PIAS4: variants seen among roughly 807,000 people sequenced by gnomAD.
The protein encoded by PIAS4 is E3 SUMO-protein ligase PIAS4.
A neutral mutation model predicts 58.0 loss-of-function variants in PIAS4; 7 were observed. The ratio of observed to expected loss-of-function variants is 0.12; its 90% CI spans 0.07 to 0.23. PIAS4 has a LOEUF of 0.23. Among genes scored for constraint, PIAS4 ranks in the 10% least tolerant of loss-of-function variants. The pLI is 1.00. For synonymous variants in PIAS4, 364 were observed against 312.4 expected, an observed-to-expected ratio of 1.17 and a Z score of -1.74; for missense variants, 550 against 709.5, an observed-to-expected ratio of 0.78 and a Z score of 2.55.
At chr19:4,025,521 C>T (rs1455234744) in intron 3 of PIAS4, among the ~76,000 whole-genome samples, 1 of 152,172 alleles carries the variant, frequency 6.6e-6, no homozygotes, top group East Asian at 1.9e-4. Flanking sequence ...TTCTCGTGCC[C>T]AGCCGCTTCA....
intron 9 of PIAS4, among the ~76,000 whole-genome samples, chr19:4,036,021 CCATACAGTCCACACCGTCAT>C (rs2040277058): frequency 6.7e-6 from 1 of 148,658 alleles, no homozygotes; most frequent in Non-Finnish European, 1.5e-5. Context: ...CTTCACACAT[CCATACAGTCCACACCGTCAT>C]ACACACACAC....
Position 4,024,092 on chromosome 19 carries a change from A to G in PIAS4, c.511A>G (p.Arg171Gly), listed in dbSNP as rs1167781909. Residue 171 changes from arginine (R) to glycine (G), a missense_variant, in exon 3 of 11, where the codon AGA becomes GGA. Transcript: ENST00000262971. Reference sequence around the variant, plus strand: ...CCCGTGCATCTTCGCATTGACGCCAAGACAGGTGGAGTTGATCCGGAACTC... The same window carrying G: ...CCCGTGCATCTTCGCATTGACGCCAGGACAGGTGGAGTTGATCCGGAACTC... ...ESPCIFALTP[R>G]QVELIRNSRE... 6.2e-7 allele frequency: 1 copy of G among 1,613,976 alleles called. No homozygotes were observed. Among genetic ancestry groups the G allele is most frequent in the South Asian group, 1.1e-5 (1 of 91,074 alleles).
At chr19:4,020,442 CT>C (rs2040097666) in intron 2 of PIAS4, among the ~76,000 whole-genome samples, 1 of 151,804 alleles carries the variant, frequency 6.6e-6, no homozygotes, top group Admixed American at 6.6e-5. Flanking sequence ...TGCCTGTCAT[CT>C]CGTTGTCTCG....
chr19:4,008,902 C>T (rs2039967723), intron 1 of PIAS4, among the ~76,000 whole-genome samples: 2 of 152,122 alleles, frequency 1.3e-5, no homozygotes, highest in South Asian at 4.1e-4. Context: ...CAAGGCTGGC[C>T]TCTTTAGAAC....
At chr19:4,028,301 A>T (rs760099200) in intron 4 of PIAS4, 114 bp downstream of exon 4, 1 of 723,406 alleles carries the variant, frequency 1.4e-6, no homozygotes, top group Non-Finnish European at 2.1e-6. Context: ...AGCAGAGCCC[A>T]GCTCTCCTCA....
At chr19:4,020,168 G>A (rs1010629641) in intron 2 of PIAS4, among the ~76,000 whole-genome samples, 7 of 152,084 alleles carry the variant, frequency 4.6e-5, no homozygotes, top group Admixed American at 2.6e-4. Context: ...CGACTGCCTC[G>A]GCCTCCCAAA....
At chr19:4,029,737 G>A (rs886385275) in intron 7 of PIAS4, among the ~76,000 whole-genome samples, 9 of 150,946 alleles carry the variant, frequency 6.0e-5, no homozygotes, top group East Asian at 1.9e-4. Flanking sequence ...CCTCTAACTC[G>A]GGCTCAAGCC....
intron 1 of PIAS4, among the ~76,000 whole-genome samples, chr19:4,012,494 G>A (rs1243497499): frequency 6.6e-6 from 1 of 152,234 alleles, no homozygotes; most frequent in East Asian, 1.9e-4. Flanking sequence ...TTGAGCGCCC[G>A]CCCAGCCAGT....
Position 4,028,681 on chromosome 19 carries a change from C to T in PIAS4, c.673-39C>T, listed in dbSNP as rs558418315. The T allele has an allele frequency of 6.3e-5, 101 of 1,603,448 alleles. 3 individuals carry two copies. In the South Asian group the frequency reaches 8.4e-4, roughly 13 times the overall value. ...GGTGGGGGCCGTCGGATTTCCCAGC[C>T]GCTCTTGGCTCGAGGCTGAGCGGCC... On this transcript the variant is annotated intron_variant, in intron 5 of 10. Coordinates refer to ENST00000262971, the MANE Select transcript of PIAS4 (RefSeq NM_015897.4).
rs75308903 is a variant in PIAS4, at chr19:4,019,353, C to T, written c.455-4683C>T. ...CAGAGAAGCACAGCCCGGTCTCCCCCAGAGGGAGGAGCCCTCCCAGGGCAG... is the reference window on the plus strand; with the variant it reads ...CAGAGAAGCACAGCCCGGTCTCCCCTAGAGGGAGGAGCCCTCCCAGGGCAG... On this transcript the variant is annotated intron_variant, in intron 2 of 10. Transcript: ENST00000262971. Among the ~76,000 whole-genome samples the T allele has an allele frequency of 6.2e-3, 940 of 152,262 alleles. 7 individuals carry two copies. Among genetic ancestry groups the T allele is most frequent in the Non-Finnish European group, 9.1e-3 (622 of 67,992 alleles).
In PIAS4 at chr19:4,038,187, G is replaced by A. The variant is rs552501955; in HGVS notation, c.*312G>A. The A allele has an allele frequency of 1.4e-3, 491 of 342,396 alleles. No individual in the cohort carries two copies. The highest frequency in any genetic ancestry group is 8.4e-3 in the Middle Eastern group (9 of 1,070). 21.2% of individuals were successfully genotyped at this position (342,396 alleles called of 1,614,324 possible). ...TCCGAGCCGGGAAGGGGTAGTGGGC[G>A]GGAGGGACCAGGACGCCGCCCCGCG... On this transcript the variant is annotated 3_prime_UTR_variant, in exon 11 of 11. Coordinates refer to ENST00000262971, the MANE Select transcript of PIAS4 (RefSeq NM_015897.4). This position sits in a 1 kb window ranked among gnomAD's most constrained non-coding sequence, Gnocchi z 4.1.
intron 1 of PIAS4, among the ~76,000 whole-genome samples, chr19:4,009,215 AC>A (rs2144901167): frequency 6.6e-6 from 1 of 150,982 alleles, no homozygotes; most frequent in East Asian, 2.0e-4. Flanking sequence ...CTCTCACATT[AC>A]CCCCTGGGAT....
intron 9 of PIAS4, among the ~76,000 whole-genome samples, chr19:4,036,654 A>ATG (rs1222220682): frequency 2.0e-5 from 3 of 149,132 alleles, no homozygotes; most frequent in East Asian, 3.9e-4. Context: ...ACTGTCATAC[A>ATG]CACACATCTA....
chr19:4,015,608 C>CAGTGGT (rs1459139120), intron 2 of PIAS4, among the ~76,000 whole-genome samples: 1 of 152,194 alleles, frequency 6.6e-6, no homozygotes, highest in African/African-American at 2.4e-5. Context: ...GGCCCCGAAG[C>CAGTGGT]AGTGGTCCCC....
chr19:4,032,511 C>T (rs747205389), intron 7 of PIAS4, among the ~76,000 whole-genome samples: 2 of 152,218 alleles, frequency 1.3e-5, no homozygotes, highest in South Asian at 2.1e-4. Flanking sequence ...GGGAGGGCGG[C>T]GCCTGCCTCC....
intron 9 of PIAS4, among the ~76,000 whole-genome samples, chr19:4,034,227 G>A (rs1429780721): frequency 6.6e-6 from 1 of 152,152 alleles, no homozygotes; most frequent in Non-Finnish European, 1.5e-5. Flanking sequence ...GGCCACAGCG[G>A]CACAAGCTGG....
chr19:4,014,219 T>TTG (rs2040029293), intron 2 of PIAS4, among the ~76,000 whole-genome samples: 1 of 152,118 alleles, frequency 6.6e-6, no homozygotes. Flanking sequence ...TCTCGTGTCT[T>TTG]TGTCTGCAAG....
intron 2 of PIAS4, among the ~76,000 whole-genome samples, chr19:4,019,306 A>G (rs971767250): frequency 6.6e-6 from 1 of 152,164 alleles, no homozygotes. Flanking sequence ...GTGAGAGCAC[A>G]GGGCACCTCC....
chr19:4,017,998 G>T (rs1007978052), intron 2 of PIAS4, among the ~76,000 whole-genome samples: 1 of 152,096 alleles, frequency 6.6e-6, no homozygotes, highest in Non-Finnish European at 1.5e-5. Context: ...TTTTAATGGA[G>T]ACGGGGTTTC....
Sources: gnomAD v4.1 joint callset for allele counts (sites outside exome capture counted in the v4.1 genomes callset) on GRCh38, gnomAD v4.1.1 for gene constraint, Gnocchi (gnomAD v3.1) non-coding constraint, MANE v1.5 for transcripts, NCBI Gene and HGNC (gene_info 2026-07-23, HGNC 2026-07-21) for gene names.